The following TNS3 variants were observed in gnomAD, a reference collection of about 807,000 sequenced individuals.
TNS3 encodes the protein tensin-3.
A neutral mutation model predicts 140.9 loss-of-function variants in TNS3; 45 were observed. That is an observed-to-expected ratio of 0.32 (90% CI 0.25 to 0.41). The LOEUF (loss-of-function observed/expected upper bound fraction) is 0.41, where lower values mean the gene tolerates loss of function less well. TNS3 is among the 10% of genes least tolerant of loss of function. The probability of loss-of-function intolerance (pLI) is 1.00; values close to 1 mark genes in which losing one functional copy is unlikely to be tolerated. For missense variants in TNS3, 1,716 were observed against 1,906.7 expected, an observed-to-expected ratio of 0.90 and a Z score of 1.86; for synonymous variants, 815 against 788.4, an observed-to-expected ratio of 1.03 and a Z score of -0.56.
chr7:47,431,133 C>T (rs1289055873), intron 8 of TNS3, among the ~76,000 whole-genome samples: 1 of 152,092 alleles, frequency 6.6e-6, no homozygotes, highest in African/African-American at 2.4e-5. Context: ...TAAATAACTA[C>T]TGGGTCAAAG....
At chr7:47,381,232 C>G (rs545926396) in intron 16 of TNS3, among the ~76,000 whole-genome samples, 1 of 152,206 alleles carries the variant, frequency 6.6e-6, no homozygotes, top group East Asian at 1.9e-4. Flanking sequence ...AGTAACCAGG[C>G]GGAAAATCTT....
chr7:47,496,331 A>G (rs1562804191), intron 3 of TNS3, among the ~76,000 whole-genome samples: 1 of 152,188 alleles, frequency 6.6e-6, no homozygotes, highest in Non-Finnish European at 1.5e-5. Context: ...AGTCAGCAGA[A>G]AGAGCACCTG....
chr7:47,398,529 C>T (rs149575249), intron 15 of TNS3, among the ~76,000 whole-genome samples: 7 of 152,178 alleles, frequency 4.6e-5, no homozygotes, highest in African/African-American at 1.7e-4. Context: ...ATATAGAAGT[C>T]AATAAATGTG....
intron 20 of TNS3, among the ~76,000 whole-genome samples, chr7:47,337,042 T>A (rs1185038105): frequency 3.9e-5 from 6 of 152,124 alleles, no homozygotes; most frequent in Admixed American, 1.3e-4. Flanking sequence ...TGACACGTCA[T>A]CAAGCTCCTC....
At chr7:47,570,119 C>T (rs988065144) in intron 1 of TNS3, among the ~76,000 whole-genome samples, 1 of 152,236 alleles carries the variant, frequency 6.6e-6, no homozygotes, top group Admixed American at 6.5e-5. Context: ...CATTGCACTC[C>T]AGCCTGGGCG....
chr7:47,453,561 T>A (rs1052041954), intron 4 of TNS3, among the ~76,000 whole-genome samples: 1 of 152,228 alleles, frequency 6.6e-6, no homozygotes, highest in Non-Finnish European at 1.5e-5. Context: ...AAATAGAATT[T>A]GAGATGACTC....
rs1784931129 is a variant in TNS3, at chr7:47,277,750, G to A, written c.*326C>T. 1 of 385,870 alleles carries A rather than the reference G, an allele frequency of 2.6e-6. No individual in the cohort carries two copies. Among genetic ancestry groups the A allele is most frequent in the Admixed American group, 3.8e-5 (1 of 26,424 alleles). The allele number at this position is 385,870 out of a possible 1,614,324, so 23.9% of individuals were successfully genotyped here. ...CGGAATGCTAGTGTGCCAGGGACAT[G>A]GGGACCACCTCGTGTTCTGTGCTGT... On this transcript the variant is annotated 3_prime_UTR_variant, in exon 31 of 31. Transcript: ENST00000311160.
At chr7:47,512,567 A>G (rs1316702476) in intron 2 of TNS3, among the ~76,000 whole-genome samples, 3 of 152,248 alleles carry the variant, frequency 2.0e-5, no homozygotes, top group Non-Finnish European at 4.4e-5. Context: ...CAAGGCTAAC[A>G]GATATACAGC....
chr7:47,346,210 G>T lies in TNS3; in HGVS notation c.2428C>A (p.Pro810Thr). ...VDYAPNLPPF[P>T]SPADVKETMT... ...ACCTCTTTGACGTCCGCTGGTGAGG[G>T]GAATGGCGGCAGGTTTGGGGCATAG... The change falls in exon 18 of 31, where the codon CCC becomes ACC. Residue 810 changes from proline to threonine, a missense_variant. Around this residue, in one of 3 missense-constraint regions of TNS3, gnomAD observed 1,163 missense variants for 1,182.1 expected, o/e 0.98. Coordinates refer to ENST00000311160, the MANE Select transcript of TNS3 (RefSeq NM_022748.12). The T allele has an allele frequency of 3.7e-6, 6 of 1,614,198 alleles. No homozygotes were observed. Among genetic ancestry groups the T allele is most frequent in the Non-Finnish European group, 5.1e-6 (6 of 1,180,008 alleles).
chr7:47,285,560 G>T (rs1785373020), intron 27 of TNS3, among the ~76,000 whole-genome samples: 1 of 152,214 alleles, frequency 6.6e-6, no homozygotes, highest in Non-Finnish European at 1.5e-5. Flanking sequence ...CCAGCCATGT[G>T]AAACTGTGAG....
chr7:47,519,548 C>CCA (rs1173823914), intron 2 of TNS3, among the ~76,000 whole-genome samples: 2 of 152,206 alleles, frequency 1.3e-5, no homozygotes, highest in Non-Finnish European at 2.9e-5. Context: ...CCCCAGTCCC[C>CCA]CACACACATG....
Position 47,441,494 on chromosome 7 carries a change from G to A in TNS3, c.-23+509C>T, listed in dbSNP as rs189422448. On this transcript the variant is annotated intron_variant, in intron 5 of 30. Coordinates refer to ENST00000311160, the MANE Select transcript of TNS3 (RefSeq NM_022748.12). ...CCCGGCCCATACATTTATTTTTTAAGGTTGATTTGTTCAAATCAGCATCCA... is the reference window on the plus strand; with the variant it reads ...CCCGGCCCATACATTTATTTTTTAAAGTTGATTTGTTCAAATCAGCATCCA... Among the ~76,000 whole-genome samples the A allele has an allele frequency of 2.6e-5, 4 of 152,268 alleles. No individual in the cohort carries two copies. In the East Asian group the frequency reaches 5.8e-4, roughly 22 times the overall value.
intron 13 of TNS3, among the ~76,000 whole-genome samples, chr7:47,410,571 G>A (rs1374230092): frequency 2.6e-5 from 4 of 152,180 alleles, no homozygotes; most frequent in South Asian, 2.1e-4. Flanking sequence ...CTCCACCTTC[G>A]ATCCTCGCTG....
intron 4 of TNS3, among the ~76,000 whole-genome samples, chr7:47,449,709 G>A (rs1169147267): frequency 6.6e-6 from 1 of 152,222 alleles, no homozygotes; most frequent in Admixed American, 6.5e-5. Context: ...CCGGGTTCAA[G>A]TGATTCTCCT....
intron 17 of TNS3, among the ~76,000 whole-genome samples, chr7:47,348,874 G>A (rs1176415854): frequency 1.3e-5 from 2 of 152,202 alleles, no homozygotes; most frequent in Non-Finnish European, 2.9e-5. Context: ...GCACAACCAG[G>A]TCGTAACAGG....
At position 47,413,944 on chromosome 7, in the gene TNS3, C is replaced by T. The variant is rs780395262; in HGVS notation, c.640G>A (p.Gly214Arg). 9 of 1,613,612 alleles carry T rather than the reference C, an allele frequency of 5.6e-6. No individual in the cohort carries two copies. In the East Asian group the frequency reaches 6.7e-5, roughly 12 times the overall value. ...AGCAGCAGCAGCACTCACTAGATCC[C>T]GGAGGTGTACACAGGCTGCATGGCT... ...YQAMQPVYTSGIYNVGPENPS... is the reference protein window; with the variant it reads ...YQAMQPVYTSRIYNVGPENPS... The change falls in exon 12 of 31, where the codon GGG becomes AGG. Residue 214 changes from glycine to arginine, a missense_variant. Around this residue, in one of 3 missense-constraint regions of TNS3, gnomAD observed 337 missense variants for 428.9 expected, o/e 0.79. Coordinates refer to ENST00000311160, the MANE Select transcript of TNS3 (RefSeq NM_022748.12).
intron 16 of TNS3, among the ~76,000 whole-genome samples, chr7:47,381,865 G>C (rs778970410): frequency 2.0e-5 from 3 of 152,214 alleles, no homozygotes; most frequent in Non-Finnish European, 4.4e-5. Flanking sequence ...TTACCATTCT[G>C]CAAATGATGT....
At chr7:47,562,385 CTT>C (rs11348830) in intron 1 of TNS3, among the ~76,000 whole-genome samples, 4,176 of 143,878 alleles carry the variant, frequency 0.029, 85 homozygotes, top group Non-Finnish European at 0.043. Context: ...CATCTGCTGC[CTT>C]TTTTTTTTTT....
intron 24 of TNS3, 108 bp from the exon 25 acceptor site, chr7:47,293,936 C>T: frequency 2.0e-6 from 2 of 993,542 alleles, no homozygotes; most frequent in Admixed American, 2.0e-5. Context: ...AGGCTCTTCT[C>T]TGAATACGAG....
Sources: allele counts gnomAD v4.1 joint callset (sites outside exome capture counted in the v4.1 genomes callset), GRCh38; gene constraint gnomAD v4.1.1; regional missense constraint gnomAD v4.1.1; transcripts MANE v1.5; gene names NCBI Gene and HGNC (gene_info 2026-07-23, HGNC 2026-07-21).